The following PIAS4 variants were observed in gnomAD, a reference collection of about 807,000 sequenced individuals.
The protein encoded by PIAS4 is protein inhibitor of activated STAT 4.
Under a neutral mutation model 58.0 loss-of-function variants are expected in PIAS4, and 7 were observed. The observed-to-expected ratio is 0.12, with a 90% confidence interval of 0.07 to 0.23. PIAS4 has a LOEUF of 0.23. Ranked by LOEUF, PIAS4 falls within the 10% of genes least tolerant of loss-of-function variation. PIAS4 has a pLI of 1.00. For synonymous variants in PIAS4, 364 were observed against 312.4 expected (o/e 1.17, Z -1.74); for missense variants, 550 against 709.5 (o/e 0.78, Z 2.55).
chr19:4,028,467 T>C (rs1599227547), intron 4 of PIAS4, 43 bp from the exon 5 acceptor site: 30 of 1,438,040 alleles, frequency 2.1e-5, no homozygotes, highest in Non-Finnish European at 2.9e-5. Context: ...TAGTCCCTCC[T>C]GTGCGCCCCC....
rs764077688 is a variant in PIAS4, at chr19:4,028,606, C to A, written c.672+6C>A. ...ACAGCTACTGCTCCGTCCCGGTGAG[C>A]ATGCCCCGCCCCCGCGTCGGCTGCA... On this transcript the variant is annotated splice_donor_region_variant and intron_variant, in intron 5 of 10. Coordinates refer to ENST00000262971, the MANE Select transcript of PIAS4 (RefSeq NM_015897.4). 1.2e-6 allele frequency: 2 copies of A among 1,612,196 alleles called. No homozygotes were observed. Among genetic ancestry groups the A allele is most frequent in the South Asian group, 2.2e-5 (2 of 91,018 alleles).
rs1174427298 is a variant in PIAS4 at position 4,007,760 on chromosome 19, G to A, written c.-1G>A. On this transcript the variant is annotated 5_prime_UTR_variant, in exon 1 of 11. Transcript: ENST00000262971. ...CGGCGCGGGGGACGCTGGTGACCAA[G>A]ATGGCGGCGGAGCTGGTGGAGGCCA... 4.1e-6 allele frequency: 5 copies of A among 1,216,608 alleles called. No individual in the cohort carries two copies. Among genetic ancestry groups the A allele is most frequent in the Non-Finnish European group, 5.1e-6 (5 of 971,362 alleles). The allele number at this position is 1,216,608 out of a possible 1,614,324, so 75.4% of individuals were successfully genotyped here.
intron 9 of PIAS4, among the ~76,000 whole-genome samples, chr19:4,033,948 G>T (rs752073314): frequency 2.0e-4 from 31 of 152,272 alleles, no homozygotes; most frequent in Non-Finnish European, 4.3e-4. Context: ...CAGCCTTGGG[G>T]GTGACCTCCT....
chr19:4,014,961 G>A (rs993090683), intron 2 of PIAS4, among the ~76,000 whole-genome samples: 1 of 152,168 alleles, frequency 6.6e-6, no homozygotes, highest in African/African-American at 2.4e-5. Context: ...TGGTTCCTGC[G>A]GCAGCCGAGG....
Position 4,013,195 on chromosome 19 carries a change from G to T in PIAS4, c.300G>T (p.Pro100=), listed in dbSNP as rs779151004. Residue 100 remains proline (P), a synonymous_variant, in exon 2 of 11, where the codon CCG becomes CCT. Coordinates refer to ENST00000262971, the MANE Select transcript of PIAS4 (RefSeq NM_015897.4). This position sits in a 1 kb window ranked among gnomAD's most constrained non-coding sequence, Gnocchi z 5.1. ...GGGCCGGCGCTGTGCCCAGGACTCCGCTGGCAGGCCCCAATATTGACTACC... is the reference window on the plus strand; with the variant it reads ...GGGCCGGCGCTGTGCCCAGGACTCCTCTGGCAGGCCCCAATATTGACTACC... ...YDRAGAVPRT[P]LAGPNIDYPV... 6.2e-7 allele frequency: 1 copy of T among 1,613,524 alleles called. No individual in the cohort carries two copies. The highest frequency in any genetic ancestry group is 1.1e-5 in the South Asian group (1 of 91,090).
rs1042758770 is a variant in PIAS4, at chr19:4,013,434, C to T, written c.454+85C>T. Reference sequence around the variant, plus strand: ...CCCAGCCCAGCCACACAGCCGACTTCGAGTGATGTTCTCTGTGGCGCAGCC... The same window carrying T: ...CCCAGCCCAGCCACACAGCCGACTTTGAGTGATGTTCTCTGTGGCGCAGCC... On this transcript the variant is annotated intron_variant, in intron 2 of 10. Coordinates refer to ENST00000262971, the MANE Select transcript of PIAS4 (RefSeq NM_015897.4). This position sits in a 1 kb window ranked among gnomAD's most constrained non-coding sequence, Gnocchi z 5.1. The T allele has an allele frequency of 2.4e-5, 30 of 1,240,290 alleles. No individual in the cohort carries two copies. The highest frequency in any genetic ancestry group is 6.0e-5 in the African/African-American group (4 of 66,944). The allele number at this position is 1,240,290 out of a possible 1,614,324, so 76.8% of individuals were successfully genotyped here. A position where few individuals can be genotyped will look rare whatever the true frequency, so the allele number is the denominator to read the frequency against.
chr19:4,031,475 G>C (rs1051700349), intron 7 of PIAS4, among the ~76,000 whole-genome samples: 4 of 152,198 alleles, frequency 2.6e-5, no homozygotes, highest in African/African-American at 9.7e-5. Flanking sequence ...GCAAAGTTAG[G>C]GTTCTGTGTC....
intron 2 of PIAS4, among the ~76,000 whole-genome samples, chr19:4,014,463 G>C (rs1228061613): frequency 2.0e-5 from 3 of 152,168 alleles, no homozygotes; most frequent in African/African-American, 2.4e-5. Flanking sequence ...GGAACGTCCT[G>C]GGCCTTTGCG....
intron 1 of PIAS4, among the ~76,000 whole-genome samples, chr19:4,008,840 T>G (rs2039967259): frequency 6.6e-6 from 1 of 150,688 alleles, no homozygotes; most frequent in Admixed American, 6.6e-5. Flanking sequence ...TAAGGTCCCC[T>G]CTCTTTCTGC....
intron 2 of PIAS4, among the ~76,000 whole-genome samples, chr19:4,020,921 T>A (rs981079733): frequency 1.3e-5 from 2 of 152,158 alleles, no homozygotes. Flanking sequence ...TTTGAACGCA[T>A]GTTTCCATGT....
chr19:4,033,315 CATGAGTG>C, intron 8 of PIAS4, 98 bp from the exon 9 acceptor site: 11 of 1,327,670 alleles, frequency 8.3e-6, no homozygotes, highest in Non-Finnish European at 1.1e-5. Flanking sequence ...GTTCCTGAGG[CATGAGTG>C]ATTGGAGCGA....
rs748887527 is a variant in PIAS4 at position 4,033,586 on chromosome 19, C to G, written c.1142+6C>G. 6.3e-7 allele frequency: 1 copy of G among 1,592,672 alleles called. No individual in the cohort carries two copies. The highest frequency in any genetic ancestry group is 1.7e-5 in the Admixed American group (1 of 57,936). On this transcript the variant is annotated splice_donor_region_variant and intron_variant, in intron 9 of 10. Coordinates refer to ENST00000262971, the MANE Select transcript of PIAS4 (RefSeq NM_015897.4). ...GACCAGCTCATCATCGACGGGTGAG[C>G]CCGGGGCCCCGGGGAGGGCGGCCGG...
Position 4,028,663 on chromosome 19 carries a change from G to A in PIAS4, c.673-57G>A, listed in dbSNP as rs942750934. The A allele has an allele frequency of 2.3e-5, 37 of 1,603,578 alleles. No individual in the cohort carries two copies. In the Admixed American group the frequency reaches 6.0e-4, roughly 26 times the overall value. On this transcript the variant is annotated intron_variant, in intron 5 of 10. Coordinates refer to ENST00000262971, the MANE Select transcript of PIAS4 (RefSeq NM_015897.4). The stretch of plus-strand genomic sequence containing the variant: ...TGGGGGGCGTGGAGGGAGGGTGGGG[G>A]CCGTCGGATTTCCCAGCCGCTCTTG...
intron 3 of PIAS4, among the ~76,000 whole-genome samples, chr19:4,025,553 G>T (rs2040154774): frequency 6.6e-6 from 1 of 152,200 alleles, no homozygotes; most frequent in African/African-American, 2.4e-5. Flanking sequence ...CCCACCTGCT[G>T]TGGGGCCAGG....
intron 2 of PIAS4, among the ~76,000 whole-genome samples, chr19:4,022,551 A>G (rs956377419): frequency 6.6e-6 from 1 of 151,746 alleles, no homozygotes; most frequent in African/African-American, 2.4e-5. Flanking sequence ...TATTTTTAGT[A>G]GAGATGGGGT....
In PIAS4 at chr19:4,033,115, G is replaced by A. The variant is rs1241436975; in HGVS notation, c.923G>A (p.Arg308His). 4.3e-6 allele frequency: 7 copies of A among 1,611,822 alleles called. No homozygotes were observed. The highest frequency in any genetic ancestry group is 5.9e-6 in the Non-Finnish European group (7 of 1,179,756). ...LCKALVKEKLRLDPDSEIATT... is the reference protein window; with the variant it reads ...LCKALVKEKLHLDPDSEIATT... Reference sequence around the variant, plus strand: ...CTCCCCACAGTCAAGGAGAAGCTGCGCCTTGATCCTGACAGCGAGATCGCC... The same window carrying A: ...CTCCCCACAGTCAAGGAGAAGCTGCACCTTGATCCTGACAGCGAGATCGCC... The change falls in exon 8 of 11, where the codon CGC becomes CAC. Residue 308 changes from arginine to histidine, a missense_variant. Physicochemically the swap from Arg to His is conservative, Grantham distance 29. Coordinates refer to ENST00000262971, the MANE Select transcript of PIAS4 (RefSeq NM_015897.4).
At chr19:4,009,667 C>T (rs1417926246) in intron 1 of PIAS4, among the ~76,000 whole-genome samples, 3 of 152,150 alleles carry the variant, frequency 2.0e-5, no homozygotes, top group African/African-American at 7.2e-5. Flanking sequence ...CTTCTTTCTC[C>T]TTGAGTCTGT....
rs145397767 is a variant in PIAS4, at chr19:4,021,722, T to C, written c.455-2314T>C. On this transcript the variant is annotated intron_variant, in intron 2 of 10. Transcript: ENST00000262971. ...AAATGTTTTATAGAATTCACCGATA[T>C]GGACCTGCATTTTCTTTTTCTTTTT... is the stretch of plus-strand genomic sequence containing the variant. Among the ~76,000 whole-genome samples, 39 of 151,810 alleles carry C rather than the reference T, an allele frequency of 2.6e-4. No individual in the cohort carries two copies. The East Asian group carries it at 6.8e-3, about 26-fold the overall frequency.
At chr19:4,010,559 G>A (rs539062808) in intron 1 of PIAS4, among the ~76,000 whole-genome samples, 1 of 152,374 alleles carries the variant, frequency 6.6e-6, no homozygotes, top group African/African-American at 2.4e-5. Flanking sequence ...CTGACTCTCA[G>A]GCCCAGCAGA....
Sources: allele counts gnomAD v4.1 joint callset (sites outside exome capture counted in the v4.1 genomes callset), GRCh38; gene constraint gnomAD v4.1.1; non-coding constraint Gnocchi (gnomAD v3.1); transcripts MANE v1.5; gene names NCBI Gene and HGNC (gene_info 2026-07-23, HGNC 2026-07-21).